CERKL: variants seen among roughly 807,000 people sequenced by gnomAD.
CERKL encodes the protein CERK like autophagy regulator.
CERKL carries 61 observed loss-of-function variants against 63.4 expected under a neutral mutation model. The ratio of observed to expected loss-of-function variants is 0.96; its 90% CI spans 0.78 to 1.19. The LOEUF (loss-of-function observed/expected upper bound fraction) is 1.19. CERKL is among the 50% of genes most tolerant of loss of function. The pLI is 0.00. For synonymous variants in CERKL, 250 were observed against 230.5 expected, an observed-to-expected ratio of 1.08 and a Z score of -0.77; for missense variants, 675 against 655.5, an observed-to-expected ratio of 1.03 and a Z score of -0.33.
chr2:181,613,141 C>T (rs1175893713), intron 1 of CERKL, among the ~76,000 whole-genome samples: 1 of 152,100 alleles, frequency 6.6e-6, no homozygotes, highest in Non-Finnish European at 1.5e-5. Flanking sequence ...AAATTTTATA[C>T]CTTTAACCAT....
chr2:181,647,876 A>G (rs1687735766), intron 1 of CERKL, among the ~76,000 whole-genome samples: 1 of 152,178 alleles, frequency 6.6e-6, no homozygotes, highest in African/African-American at 2.4e-5. Flanking sequence ...AAGTTATAAA[A>G]TGAGAAATTA....
intron 2 of CERKL, among the ~76,000 whole-genome samples, chr2:181,585,617 A>G (rs1227265530): frequency 6.6e-6 from 1 of 152,198 alleles, no homozygotes; most frequent in East Asian, 1.9e-4. Flanking sequence ...GCCAAGTTTT[A>G]AAAACAAAAA....
At chr2:181,643,438 T>A (rs1687533517) in intron 1 of CERKL, among the ~76,000 whole-genome samples, 2 of 152,222 alleles carry the variant, frequency 1.3e-5, no homozygotes, top group Admixed American at 6.5e-5. Context: ...AGGGAAGCTA[T>A]AAAAGATCCT....
chr2:181,569,243 T>C (rs1199326981), intron 3 of CERKL, among the ~76,000 whole-genome samples: 3 of 152,196 alleles, frequency 2.0e-5, no homozygotes, highest in African/African-American at 7.2e-5. Context: ...AAGAATCTTT[T>C]ACACAGAATT....
chr2:181,601,415 G>A (rs1685452809), intron 2 of CERKL, among the ~76,000 whole-genome samples: 3 of 152,112 alleles, frequency 2.0e-5, no homozygotes. Flanking sequence ...ACAAAAATTA[G>A]CCAGGCGTAG....
At chr2:181,544,644 C>T in intron 11 of CERKL, 56 bp downstream of exon 11, 1 of 1,021,460 alleles carries the variant, frequency 9.8e-7, no homozygotes, top group Admixed American at 2.0e-5. Flanking sequence ...CTTGCAGCAT[C>T]TTTTTCTACA....
In CERKL at chr2:181,606,596, C is replaced by T. The variant is rs79332240; in HGVS notation, c.239-2517G>A. Among the ~76,000 whole-genome samples the T allele has an allele frequency of 9.6e-4, 133 of 138,244 alleles. 2 individuals are homozygous for T. The East Asian group carries it at 0.024, about 25-fold the overall frequency. 90.7% of individuals were successfully genotyped at this position (138,244 alleles called of 152,430 possible). On this transcript the variant is annotated intron_variant, in intron 1 of 12. Coordinates refer to ENST00000410087, the MANE Select transcript of CERKL (RefSeq NM_201548.5). Reference sequence around the variant, plus strand: ...AAGGGGGAGGGTAGGGAAGAGGGAACGGAAAGGCCTTTTTCTCAATTATTG... The same window carrying T: ...AAGGGGGAGGGTAGGGAAGAGGGAATGGAAAGGCCTTTTTCTCAATTATTG...
intron 1 of CERKL, among the ~76,000 whole-genome samples, chr2:181,613,835 G>C (rs1426050320): frequency 6.6e-6 from 1 of 152,050 alleles, no homozygotes; most frequent in Non-Finnish European, 1.5e-5. Flanking sequence ...GAATAAATGT[G>C]ACCAGTTCTA....
chr2:181,585,550 A>G, intron 2 of CERKL, among the ~76,000 whole-genome samples: 1 of 152,150 alleles, frequency 6.6e-6, no homozygotes, highest in East Asian at 1.9e-4. Context: ...TCTGATAGGT[A>G]TCTAGATCCC....
intron 5 of CERKL, among the ~76,000 whole-genome samples, chr2:181,551,306 C>T (rs747851190): frequency 6.6e-6 from 1 of 152,018 alleles, no homozygotes; most frequent in Non-Finnish European, 1.5e-5. Context: ...TGTACACTTA[C>T]AACTATCTGA....
rs769531618 is a variant in CERKL, at chr2:181,558,550, G to A, written c.820+16C>T. ...GGAGAAGGGTCAGTTTAATGAATCT[G>A]TAGCCACTCCCTTGCCTGCTGGTAT... On this transcript the variant is annotated intron_variant, in intron 5 of 12. Coordinates refer to ENST00000410087, the MANE Select transcript of CERKL (RefSeq NM_201548.5). The surrounding 1 kb of genome is among the most constrained non-coding windows in gnomAD (Gnocchi z 4.2). 3.1e-6 allele frequency: 5 copies of A among 1,612,560 alleles called. No individual in the cohort carries two copies. Among genetic ancestry groups the A allele is most frequent in the Non-Finnish European group, 4.2e-6 (5 of 1,179,354 alleles).
intron 2 of CERKL, among the ~76,000 whole-genome samples, chr2:181,590,751 A>G (rs972789658): frequency 3.3e-5 from 5 of 152,212 alleles, no homozygotes; most frequent in Admixed American, 6.5e-5. Context: ...GAAAAATTCT[A>G]AAACATAAAA....
intron 1 of CERKL, among the ~76,000 whole-genome samples, chr2:181,619,275 C>T (rs918073605): frequency 6.6e-6 from 1 of 151,872 alleles, no homozygotes; most frequent in African/African-American, 2.4e-5. Flanking sequence ...CCAAGAATGG[C>T]ACCAACAGAA....
intron 1 of CERKL, among the ~76,000 whole-genome samples, chr2:181,612,833 C>T (rs754453357): frequency 5.1e-4 from 77 of 151,916 alleles, no homozygotes; most frequent in Middle Eastern, 3.4e-3. Context: ...TAATTGACCA[C>T]TAAAAATTGT....
chr2:181,538,468 C>T (rs890277746), intron 12 of CERKL, among the ~76,000 whole-genome samples: 7 of 152,198 alleles, frequency 4.6e-5, no homozygotes, highest in Admixed American at 3.9e-4. Flanking sequence ...CCAATGCTCT[C>T]CATTACCTCT....
At chr2:181,610,911 T>C (rs974267758) in intron 1 of CERKL, among the ~76,000 whole-genome samples, 16 of 152,294 alleles carry the variant, frequency 1.1e-4, no homozygotes, top group Middle Eastern at 6.8e-3. Flanking sequence ...GGAATAAATA[T>C]GCACAATTTA....
chr2:181,540,715 G>A (rs1162625557), intron 11 of CERKL, among the ~76,000 whole-genome samples: 2 of 152,312 alleles, frequency 1.3e-5, no homozygotes, highest in East Asian at 1.9e-4. Context: ...TGAAGCCACA[G>A]ACGCTGTTAA....
chr2:181,616,484 TTA>T (rs1686203862), intron 1 of CERKL, among the ~76,000 whole-genome samples: 1 of 152,122 alleles, frequency 6.6e-6, no homozygotes, highest in Non-Finnish European at 1.5e-5. Context: ...AGTGTTGGGA[TTA>T]CAGGTGTGAG....
chr2:181,620,454 T>C (rs1265518934), intron 1 of CERKL, among the ~76,000 whole-genome samples: 1 of 152,180 alleles, frequency 6.6e-6, no homozygotes, highest in Non-Finnish European at 1.5e-5. Context: ...TTTTATACCA[T>C]GCCCATTCAG....
Sources: gnomAD v4.1 joint callset for allele counts (sites outside exome capture counted in the v4.1 genomes callset) on GRCh38, gnomAD v4.1.1 for gene constraint, Gnocchi (gnomAD v3.1) non-coding constraint, MANE v1.5 for transcripts, NCBI Gene and HGNC (gene_info 2026-07-23, HGNC 2026-07-21) for gene names.